Variants in CFLAR observed in about 807,000 individuals in gnomAD.
CFLAR encodes the protein CASP8 and FADD-like apoptosis regulator.
Under a neutral mutation model 51.1 loss-of-function variants are expected in CFLAR, and 14 were observed. The ratio of observed to expected loss-of-function variants is 0.27; its 90% confidence interval spans 0.18 to 0.43. The LOEUF is 0.43. Ranked by LOEUF, CFLAR falls within the 20% of genes least tolerant of loss-of-function variation. The pLI is 1.00. For synonymous variants in CFLAR, 210 were observed against 211.6 expected (o/e 0.99, Z 0.06); for missense variants, 390 against 566.5 (o/e 0.69, Z 3.16).
chr2:201,140,796 G>T (rs1217160648), intron 5 of CFLAR: 9 of 160,276 alleles, frequency 5.6e-5, no homozygotes, highest in Non-Finnish European at 8.0e-5. Flanking sequence ...CATACATACA[G>T]TTGGACAATT....
At position 201,138,577 on chromosome 2, in the gene CFLAR, G is replaced by C; in HGVS notation, c.524-1780G>C. 3.1e-6 allele frequency: 5 copies of C among 1,594,888 alleles called. No homozygotes were observed. The highest frequency in any genetic ancestry group is 4.2e-6 in the Non-Finnish European group (5 of 1,176,700). On this transcript the variant is annotated intron_variant, in intron 4 of 9. Coordinates refer to ENST00000309955, the MANE Select transcript of CFLAR (RefSeq NM_003879.7). The surrounding 1 kb of genome is among the most constrained non-coding windows in gnomAD (Gnocchi z 4.0). ...TTCTCAGCAAGAAAGTCGATGTCTC[G>C]GGAGGTGACGATGCCCACCAGCTTG...
rs907208997 is a variant in CFLAR, at chr2:201,136,598, C to T, written c.523+491C>T. 8.9e-5 allele frequency: 129 copies of T among 1,441,948 alleles called. No individual in the cohort carries two copies. In the African/African-American group the frequency reaches 1.6e-3, roughly 18 times the overall value. 89.3% of individuals were successfully genotyped at this position (1,441,948 alleles called of 1,614,324 possible). A position where few individuals can be genotyped will look rare whatever the true frequency, so the allele number is the denominator to read the frequency against. On this transcript the variant is annotated intron_variant, in intron 4 of 9. Coordinates refer to ENST00000309955, the MANE Select transcript of CFLAR (RefSeq NM_003879.7). Reference sequence around the variant, plus strand: ...TAAAAGGGACCAGATTCACATTGGCCTTCTGCTTTACTTGCATTCCTCATT... The same window carrying T: ...TAAAAGGGACCAGATTCACATTGGCTTTCTGCTTTACTTGCATTCCTCATT...
At position 201,176,383 on chromosome 2, in the gene CFLAR, T is replaced by G. The variant is rs1281878703; in HGVS notation, c.*12410T>G. On this transcript the variant is annotated 3_prime_UTR_variant, in exon 10 of 10. Transcript: ENST00000309955. ...AACCGCCTGACCATCACCTGATGGT[T>G]GCCCAACACTCTTGGTGTGTGTCGG... 1 of 151,772 alleles carries G rather than the reference T, an allele frequency of 6.6e-6. No homozygotes were observed. Among genetic ancestry groups the G allele is most frequent in the Non-Finnish European group, 1.5e-5 (1 of 68,028 alleles). The allele number at this position is 151,772 out of a possible 1,614,324, so 9.4% of individuals were successfully genotyped here. A position where few individuals can be genotyped will look rare whatever the true frequency, so the allele number is the denominator to read the frequency against.
At chr2:201,154,279 C>T in intron 8 of CFLAR, 1 of 169,330 alleles carries the variant, frequency 5.9e-6, no homozygotes, top group Non-Finnish European at 1.3e-5. Context: ...TTAGTAGAGA[C>T]AAGGTTTCAC....
chr2:201,176,286 GGGGGC>G lies in CFLAR; in HGVS notation c.*12317_*12321del, dbSNP rs1435992806. The G allele has an allele frequency of 5.0e-4, 61 of 121,406 alleles. 1 individual carries two copies. Among genetic ancestry groups the G allele is most frequent in the African/African-American group, 2.0e-3 (58 of 28,366 alleles). 7.5% of individuals were successfully genotyped at this position (121,406 alleles called of 1,614,324 possible). A position where few individuals can be genotyped will look rare whatever the true frequency, so the allele number is the denominator to read the frequency against. ...TCAGGTGTTTTCTATTGCGGGGGGG[GGGGGC>G]GGGCGGGGGAGCTGCCTGTCCCTGG... On this transcript the variant is annotated 3_prime_UTR_variant, in exon 10 of 10. Coordinates refer to ENST00000309955, the MANE Select transcript of CFLAR (RefSeq NM_003879.7).
Position 201,164,258 on chromosome 2 carries a change from A to G in CFLAR, c.*285A>G. 4.6e-6 allele frequency: 1 copy of G among 218,422 alleles called. No homozygotes were observed. Among genetic ancestry groups the G allele is most frequent in the African/African-American group, 2.4e-5 (1 of 42,286 alleles). 13.5% of individuals were successfully genotyped at this position (218,422 alleles called of 1,614,324 possible). On this transcript the variant is annotated 3_prime_UTR_variant, in exon 10 of 10. Transcript: ENST00000309955. ...GCCACTGCATACCAACCTGGGCAAT[A>G]TAGCAAGATCCCATCTCTTTAAAAA...
chr2:201,120,689 G>T (rs2048114194), intron 1 of CFLAR, among the ~76,000 whole-genome samples: 1 of 152,192 alleles, frequency 6.6e-6, no homozygotes, highest in Non-Finnish European at 1.5e-5. Flanking sequence ...CTTTAGTCAT[G>T]TGACTTTAGA....
intron 8 of CFLAR, among the ~76,000 whole-genome samples, chr2:201,157,214 T>C (rs773930651): frequency 2.6e-5 from 4 of 152,162 alleles, no homozygotes; most frequent in Admixed American, 2.0e-4. Flanking sequence ...AGTGGAGCGA[T>C]CTTGGCTCCT....
intron 1 of CFLAR, among the ~76,000 whole-genome samples, chr2:201,125,014 C>T (rs1303575407): frequency 2.0e-5 from 3 of 152,008 alleles, no homozygotes; most frequent in Non-Finnish European, 4.4e-5. Context: ...CAGGGGCAAA[C>T]GAGGCACTGG....
At position 201,168,532 on chromosome 2, in the gene CFLAR, A is replaced by C. The variant is rs1943807087; in HGVS notation, c.*4559A>C. 6.6e-6 allele frequency: 1 copy of C among 152,220 alleles called. No individual in the cohort carries two copies. The highest frequency in any genetic ancestry group is 1.5e-5 in the Non-Finnish European group (1 of 68,038). 9.4% of individuals were successfully genotyped at this position (152,220 alleles called of 1,614,324 possible). A position where few individuals can be genotyped will look rare whatever the true frequency, so the allele number is the denominator to read the frequency against. The stretch of plus-strand genomic sequence containing the variant: ...GCCATTATCATACTGAATGGGCAAA[A>C]GCTGGAAGCATTCCCCTTGAAAACT... On this transcript the variant is annotated 3_prime_UTR_variant, in exon 10 of 10. Transcript: ENST00000309955.
intron 1 of CFLAR, among the ~76,000 whole-genome samples, chr2:201,127,296 G>A (rs1261775611): frequency 3.3e-5 from 5 of 152,214 alleles, no homozygotes; most frequent in African/African-American, 4.8e-5. Flanking sequence ...ATGGGACACT[G>A]AGTCCAGCAG....
chr2:201,155,771 G>A (rs548944208), intron 8 of CFLAR, among the ~76,000 whole-genome samples: 7 of 151,886 alleles, frequency 4.6e-5, no homozygotes, highest in African/African-American at 1.7e-4. Context: ...CTACACACAG[G>A]CGCCACCACA....
rs138048427 is a variant in CFLAR, at chr2:201,161,820, C to A, written c.1304+878C>A. 1.8e-4 allele frequency among the ~76,000 whole-genome samples: 26 copies of A among 146,346 alleles called. No individual in the cohort carries two copies. In the East Asian group the frequency reaches 4.8e-3, roughly 27 times the overall value. ...GGAGTACAGTGGCATGATCTTGGCT[C>A]GCTGCAACCTCCGCCTGCTGGGTTC... On this transcript the variant is annotated intron_variant, in intron 9 of 9. Coordinates refer to ENST00000309955, the MANE Select transcript of CFLAR (RefSeq NM_003879.7).
intron 9 of CFLAR, 99 bp downstream of exon 9, chr2:201,161,041 C>T (rs900271654): frequency 1.9e-5 from 16 of 830,162 alleles, no homozygotes; most frequent in East Asian, 5.1e-5. Context: ...CCATCTCTTC[C>T]GGGAGGAAAA....
chr2:201,153,031 C>T (rs1296411745), intron 8 of CFLAR: 1 of 152,232 alleles, frequency 6.6e-6, no homozygotes. Flanking sequence ...AGACATAGTC[C>T]TTTAAAGTTC....
Position 201,169,022 on chromosome 2 carries a change from A to G in CFLAR, c.*5049A>G, listed in dbSNP as rs1045448416. 1 of 152,216 alleles carries G rather than the reference A, an allele frequency of 6.6e-6. No homozygotes were observed. The highest frequency in any genetic ancestry group is 1.5e-5 in the Non-Finnish European group (1 of 68,040). 9.4% of individuals were successfully genotyped at this position (152,216 alleles called of 1,614,324 possible). On this transcript the variant is annotated 3_prime_UTR_variant, in exon 10 of 10. Transcript: ENST00000309955. ...GATAGGAAGAATCAATATCATGAAA[A>G]TGGCCATACTACCCAAAGTAATTTA...
intron 2 of CFLAR, among the ~76,000 whole-genome samples, chr2:201,130,451 T>C (rs2049174272): frequency 7.0e-6 from 1 of 142,098 alleles, no homozygotes; most frequent in Non-Finnish European, 1.5e-5. Context: ...AACCTCCGCC[T>C]TCTGGGTTCA....
At chr2:201,141,354 T>C in intron 5 of CFLAR, 1 of 1,551,336 alleles carries the variant, frequency 6.4e-7, no homozygotes, top group Non-Finnish European at 8.7e-7. Flanking sequence ...ATTTCATTTT[T>C]GCTTTTTTCT....
intron 9 of CFLAR, chr2:201,163,492 G>A (rs1943259464): frequency 8.9e-7 from 1 of 1,125,448 alleles, no homozygotes; most frequent in Non-Finnish European, 1.1e-6. Context: ...GGAAGCGGGG[G>A]TTAGAGCAGG....
Sources: gnomAD v4.1 joint callset for allele counts (sites outside exome capture counted in the v4.1 genomes callset) on GRCh38, gnomAD v4.1.1 for gene constraint, Gnocchi (gnomAD v3.1) non-coding constraint, MANE v1.5 for transcripts, NCBI Gene and HGNC (gene_info 2026-07-23, HGNC 2026-07-21) for gene names.